The following ARHGAP21 variants were observed in gnomAD, a reference collection of about 807,000 sequenced individuals.
The protein encoded by ARHGAP21 is Rho GTPase activating protein 21, also known as rho GTPase-activating protein 21.
Under a neutral mutation model 164.6 loss-of-function variants are expected in ARHGAP21, and 38 were observed. The observed-to-expected ratio is 0.23, with a 90% CI of 0.18 to 0.30. ARHGAP21 has a LOEUF of 0.30. Ranked by LOEUF, ARHGAP21 falls within the 10% of genes least tolerant of loss-of-function variation. The pLI is 1.00. For missense variants in ARHGAP21, 1,822 were observed against 2,370.7 expected (o/e 0.77, Z 4.81); for synonymous variants, 766 against 857.9 (o/e 0.89, Z 1.87).
intron 2 of ARHGAP21, among the ~76,000 whole-genome samples, chr10:24,720,624 G>T (rs1359885940): frequency 1.3e-5 from 2 of 152,152 alleles, no homozygotes; most frequent in Non-Finnish European, 2.9e-5. Context: ...TTTCTAATTC[G>T]ACATGAAGTA....
chr10:24,607,195 A>G (rs2077062720), intron 11 of ARHGAP21, among the ~76,000 whole-genome samples: 1 of 152,236 alleles, frequency 6.6e-6, no homozygotes, highest in African/African-American at 2.4e-5. Context: ...TAGTGTACAT[A>G]TGATTTTATG....
chr10:24,612,714 G>A (rs188181069), intron 9 of ARHGAP21, among the ~76,000 whole-genome samples: 97 of 152,208 alleles, frequency 6.4e-4, no homozygotes, highest in Non-Finnish European at 1.0e-3. Context: ...AATTAGCCAG[G>A]TGTGGTGGCG....
At chr10:24,637,968 G>A (rs1301250594) in intron 4 of ARHGAP21, among the ~76,000 whole-genome samples, 5 of 151,576 alleles carry the variant, frequency 3.3e-5, no homozygotes, top group Admixed American at 1.3e-4. Context: ...AGGTTCAAGC[G>A]ATTCTCCTGC....
At position 24,639,919 on chromosome 10, in the gene ARHGAP21, CA is replaced by C. The variant is rs56817024; in HGVS notation, c.269-4817del. 6.0e-3 allele frequency among the ~76,000 whole-genome samples: 887 copies of C among 149,022 alleles called. 5 individuals are homozygous for C. Among genetic ancestry groups the C allele is most frequent in the Middle Eastern group, 0.017 (5 of 290 alleles). On this transcript the variant is annotated intron_variant, in intron 4 of 25. Transcript: ENST00000396432. ...TTGAAATTTCTAAATATTAAGTATA[CA>C]AAAAAAAACCACACTAAAGCTAATA... is the stretch of plus-strand genomic sequence containing the variant.
chr10:24,668,564 C>T (rs974319065), intron 3 of ARHGAP21, among the ~76,000 whole-genome samples: 4 of 152,136 alleles, frequency 2.6e-5, no homozygotes, highest in African/African-American at 4.8e-5. Context: ...CTTTTTATAA[C>T]GCTTTCTTAA....
intron 2 of ARHGAP21, among the ~76,000 whole-genome samples, chr10:24,684,059 G>A (rs1842012692): frequency 6.6e-6 from 1 of 152,134 alleles, no homozygotes; most frequent in African/African-American, 2.4e-5. Context: ...GGCCAAGGTG[G>A]GCGGATCGCT....
intron 4 of ARHGAP21, among the ~76,000 whole-genome samples, chr10:24,653,157 C>A (rs1273311757): frequency 1.3e-5 from 2 of 152,170 alleles, no homozygotes; most frequent in Non-Finnish European, 2.9e-5. Context: ...ACCCATGTAA[C>A]CACTACCATA....
chr10:24,682,733 T>C (rs1156308702), intron 2 of ARHGAP21, among the ~76,000 whole-genome samples: 1 of 151,940 alleles, frequency 6.6e-6, no homozygotes, highest in Admixed American at 6.6e-5. Context: ...CAATGGGAAA[T>C]GCTTTGATGA....
intron 21 of ARHGAP21, among the ~76,000 whole-genome samples, chr10:24,594,372 A>AT (rs995476700): frequency 1.3e-5 from 2 of 152,200 alleles, no homozygotes; most frequent in African/African-American, 4.8e-5. Flanking sequence ...GGGGCTGCGC[A>AT]TGGTGGCTCA....
chr10:24,622,117 T>C (rs1192152739), intron 8 of ARHGAP21, among the ~76,000 whole-genome samples: 1 of 152,150 alleles, frequency 6.6e-6, no homozygotes, highest in African/African-American at 2.4e-5. Context: ...TCTCTATTAC[T>C]AACAGGCAGG....
At chr10:24,713,462 A>T (rs1219235604) in intron 2 of ARHGAP21, among the ~76,000 whole-genome samples, 1 of 152,202 alleles carries the variant, frequency 6.6e-6, no homozygotes, top group African/African-American at 2.4e-5. Context: ...AATAATAAAC[A>T]GTTTCTTCTG....
At chr10:24,654,607 A>T (rs1593178482) in intron 4 of ARHGAP21, among the ~76,000 whole-genome samples, 1 of 152,230 alleles carries the variant, frequency 6.6e-6, no homozygotes, top group East Asian at 1.9e-4. Flanking sequence ...CCACTGCTCA[A>T]CGAAATAAAA....
intron 25 of ARHGAP21, among the ~76,000 whole-genome samples, chr10:24,588,856 C>T (rs1481515358): frequency 5.3e-5 from 8 of 152,062 alleles, no homozygotes; most frequent in Non-Finnish European, 1.0e-4. Context: ...TGATATGATG[C>T]TTGGGATTTG....
intron 8 of ARHGAP21, among the ~76,000 whole-genome samples, chr10:24,621,889 T>G (rs1310896967): frequency 2.0e-5 from 3 of 152,182 alleles, no homozygotes; most frequent in Admixed American, 2.0e-4. Flanking sequence ...TAATCCATTT[T>G]GACAAATTAA....
intron 11 of ARHGAP21, among the ~76,000 whole-genome samples, chr10:24,604,866 C>G (rs572170860): frequency 6.6e-6 from 1 of 152,108 alleles, no homozygotes; most frequent in African/African-American, 2.4e-5. Context: ...ATTATGACTG[C>G]TTTCAAAAAG....
At chr10:24,623,310 C>A (rs1235135769) in intron 7 of ARHGAP21, among the ~76,000 whole-genome samples, 2 of 152,164 alleles carry the variant, frequency 1.3e-5, no homozygotes, top group African/African-American at 4.8e-5. Context: ...AAATTAAGAT[C>A]TTTCAACACT....
At chr10:24,614,639 C>T (rs1276846746) in intron 9 of ARHGAP21, among the ~76,000 whole-genome samples, 4 of 151,448 alleles carry the variant, frequency 2.6e-5, no homozygotes, top group African/African-American at 4.8e-5. Context: ...AAAAATTAGC[C>T]GGGTGTGGTG....
Position 24,721,982 on chromosome 10 carries a change from G to A in ARHGAP21, c.-83C>T. On this transcript the variant is annotated 5_prime_UTR_variant, in exon 2 of 26. Coordinates refer to ENST00000396432, the MANE Select transcript of ARHGAP21 (RefSeq NM_020824.4). ...GGGAATGCCACCACACACCCGAAGG[G>A]GAAGAATTCCACAAGCAGGCTCCGA... The A allele has an allele frequency of 6.9e-7, 1 of 1,441,754 alleles. No individual in the cohort carries two copies. Among genetic ancestry groups the A allele is most frequent in the East Asian group, 2.3e-5 (1 of 43,158 alleles). The allele number at this position is 1,441,754 out of a possible 1,614,324, so 89.3% of individuals were successfully genotyped here. A position where few individuals can be genotyped will look rare whatever the true frequency, so the allele number is the denominator to read the frequency against.
chr10:24,705,696 T>C (rs1043547610), intron 2 of ARHGAP21, among the ~76,000 whole-genome samples: 1 of 152,192 alleles, frequency 6.6e-6, no homozygotes, highest in Non-Finnish European at 1.5e-5. Flanking sequence ...TTTCAAACAA[T>C]ATTAAATAAC....
Sources: gnomAD v4.1 joint callset for allele counts (sites outside exome capture counted in the v4.1 genomes callset) on GRCh38, gnomAD v4.1.1 for gene constraint, MANE v1.5 for transcripts, NCBI Gene and HGNC (gene_info 2026-07-23, HGNC 2026-07-21) for gene names.